Variants in TENM1 observed in about 807,000 individuals in gnomAD.
The protein encoded by TENM1 is teneurin transmembrane protein 1.
In TENM1, 35 loss-of-function variants were observed where a neutral mutation model predicts 174.8. That is an observed-to-expected ratio of 0.20 (90% CI 0.15 to 0.27). The LOEUF is 0.27. Ranked by LOEUF, TENM1 falls within the 10% of genes least tolerant of loss-of-function variation. The pLI is 1.00. For missense variants in TENM1, 1,633 were observed against 2,130.1 expected, an observed-to-expected ratio of 0.77 and a Z score of 4.59; for synonymous variants, 781 against 798.7, an observed-to-expected ratio of 0.98 and a Z score of 0.37.
intron 4 of TENM1, among the ~76,000 whole-genome samples, chrX:124,718,966 G>A (rs2053248154): frequency 9.0e-6 from 1 of 111,595 alleles, no homozygotes; most frequent in Non-Finnish European, 1.9e-5. Flanking sequence ...AGTGGGTAGA[G>A]GTCAGATACG....
chrX:124,622,109 AT>A (rs1433393757), intron 11 of TENM1, among the ~76,000 whole-genome samples: 1 of 112,250 alleles, frequency 8.9e-6, no homozygotes, highest in Non-Finnish European at 1.9e-5. Context: ...CTCAGAAATT[AT>A]TTTTAGGTTA....
intron 22 of TENM1, among the ~76,000 whole-genome samples, chrX:124,470,542 G>A (rs1361255239): frequency 9.0e-6 from 1 of 110,987 alleles, no homozygotes; most frequent in Non-Finnish European, 1.9e-5. Flanking sequence ...TCAAACCATA[G>A]ACATTTTATT....
the TENM1 span, among the ~76,000 whole-genome samples, chrX:125,158,161 T>C: frequency 2.7e-5 from 3 of 109,840 alleles, 1 homozygote; most frequent in African/African-American, 6.6e-5. Context: ...TCCCAGAACT[T>C]TGGGAGGCCG....
chrX:124,930,271 A>G (rs1004996914), intron 1 of TENM1, among the ~76,000 whole-genome samples: 1 of 112,045 alleles, frequency 8.9e-6, no homozygotes, highest in African/African-American at 3.2e-5. Context: ...TTCTTTTTAC[A>G]TTGACACAAA....
At chrX:124,503,840 C>A in intron 18 of TENM1, 137 bp from the exon 22 acceptor site, 1 of 560,355 alleles carries the variant, frequency 1.8e-6, no homozygotes, top group South Asian at 3.4e-5. Flanking sequence ...AAATTTCTTT[C>A]ACCTAGCACA....
intron 3 of TENM1, among the ~76,000 whole-genome samples, chrX:124,870,981 C>CT (rs529740565): frequency 5.4e-5 from 6 of 110,978 alleles, no homozygotes; most frequent in South Asian, 3.8e-4. Context: ...AAATCTTTAT[C>CT]TTTTTTTTGT....
At chrX:124,898,990 AAAAAG>A (rs1226825310) in intron 1 of TENM1, among the ~76,000 whole-genome samples, 1 of 111,913 alleles carries the variant, frequency 8.9e-6, no homozygotes, top group African/African-American at 3.2e-5. Context: ...TAAAGCATAA[AAAAAG>A]AAAAGAGAAA....
intron 11 of TENM1, among the ~76,000 whole-genome samples, chrX:124,572,186 TACAC>T (rs1162517723): frequency 9.0e-6 from 1 of 110,752 alleles, no homozygotes; most frequent in Non-Finnish European, 1.9e-5. Context: ...TGCACACACA[TACAC>T]ACACACATGC....
intron 19 of TENM1, among the ~76,000 whole-genome samples, chrX:124,499,817 A>G (rs1167681375): frequency 8.9e-6 from 1 of 111,958 alleles, no homozygotes; most frequent in African/African-American, 3.2e-5. Flanking sequence ...TCTTTAATAA[A>G]TGAGGAAACC....
Position 124,420,481 on chromosome X carries a change from C to T in TENM1, c.4812G>A (p.Pro1604=), listed in dbSNP as rs139935272. The T allele has an allele frequency of 6.4e-4, 778 of 1,210,936 alleles. 3 individuals are homozygous for T. In the African/African-American group the frequency reaches 0.012, roughly 18 times the overall value. The change falls in exon 25 of 32, where the codon CCG becomes CCA. Residue 1604 remains proline (P), a synonymous_variant. Coordinates refer to ENST00000422452, the Ensembl canonical transcript of TENM1. ...GTCCGCCAGGCACCACAAGCCATAG[C>T]GGCATTCCGCCTGCATCACGGCGAA...
intron 4 of TENM1, among the ~76,000 whole-genome samples, chrX:124,712,999 A>G (rs998413255): frequency 9.0e-6 from 1 of 111,475 alleles, no homozygotes; most frequent in African/African-American, 3.3e-5. Flanking sequence ...ACAACTATAT[A>G]AAGGAGAATT....
At chrX:124,661,327 T>C (rs760820892) in intron 6 of TENM1, among the ~76,000 whole-genome samples, 25 of 112,329 alleles carry the variant, frequency 2.2e-4, no homozygotes, top group African/African-American at 7.1e-4. Context: ...ATATAAACTA[T>C]ATCTCAATAA....
At chrX:124,503,222 G>A (rs759107759) in intron 19 of TENM1, among the ~76,000 whole-genome samples, 48 of 111,217 alleles carry the variant, frequency 4.3e-4, no homozygotes, top group African/African-American at 1.0e-3. Context: ...CTTGGATGAA[G>A]GAGTTATAAC....
At chrX:124,804,200 T>G (rs908666533) in intron 3 of TENM1, among the ~76,000 whole-genome samples, 2 of 112,096 alleles carry the variant, frequency 1.8e-5, no homozygotes, top group African/African-American at 6.5e-5. Context: ...TCATAATTGG[T>G]AGGACAATAT....
the TENM1 span, among the ~76,000 whole-genome samples, chrX:125,010,175 A>G: frequency 1.3e-4 from 15 of 111,844 alleles, no homozygotes; most frequent in Non-Finnish European, 2.6e-4. Context: ...CAACTTCAGC[A>G]AAGTCTCAAA....
intron 1 of TENM1, among the ~76,000 whole-genome samples, chrX:124,962,922 A>G (rs767730286): frequency 1.5e-4 from 17 of 112,823 alleles, no homozygotes; most frequent in Middle Eastern, 4.6e-3. Context: ...AACACAGTTT[A>G]TCTATCAATT....
intron 16 of TENM1, among the ~76,000 whole-genome samples, chrX:124,525,472 C>G (rs2047953828): frequency 1.8e-5 from 2 of 111,958 alleles, no homozygotes; most frequent in Non-Finnish European, 3.8e-5. Context: ...GGAAGTTTAT[C>G]TGCCTCACCC....
chrX:124,593,505 A>G (rs2049814237), intron 11 of TENM1, among the ~76,000 whole-genome samples: 1 of 111,229 alleles, frequency 9.0e-6, no homozygotes, highest in South Asian at 3.8e-4. Context: ...GAGGCGGCTC[A>G]GGCTGCTAGT....
At chrX:124,792,739 A>T (rs2055207570) in intron 3 of TENM1, among the ~76,000 whole-genome samples, 1 of 112,610 alleles carries the variant, frequency 8.9e-6, no homozygotes, top group Admixed American at 9.4e-5. Context: ...AAATTAGTAA[A>T]TTAAAAATCA....
Sources: gnomAD v4.1 joint callset for allele counts (sites outside exome capture counted in the v4.1 genomes callset) on GRCh38, gnomAD v4.1.1 for gene constraint, MANE v1.5 for transcripts, NCBI Gene and HGNC (gene_info 2026-07-23, HGNC 2026-07-21) for gene names.